Variants in GSTM4 observed in about 807,000 individuals in gnomAD.
GSTM4 encodes GST class-mu 4.
A neutral mutation model predicts 30.1 loss-of-function variants in GSTM4; 27 were observed. The observed-to-expected ratio is 0.90, with a 90% CI of 0.66 to 1.24. GSTM4 has a LOEUF of 1.24. Ranked by LOEUF, GSTM4 falls within the 50% of genes most tolerant of loss-of-function variation. The pLI is 0.00. For missense variants in GSTM4, 238 were observed against 272.1 expected, an observed-to-expected ratio of 0.87 and a Z score of 0.88; for synonymous variants, 94 against 96.2, an observed-to-expected ratio of 0.98 and a Z score of 0.13.
At chr1:109,666,646 T>C (rs1342296185), downstream of GSTM4, among the ~76,000 whole-genome samples, 2 of 152,222 alleles carry the variant, frequency 1.3e-5, no homozygotes, top group African/African-American at 4.8e-5. Context: ...TCCAGGGAAG[T>C]GGGTCCTTTG....
rs1481676331 is a variant in GSTM4 at position 109,656,798 on chromosome 1, C to T, written c.112+11C>T. The T allele has an allele frequency of 6.2e-7, 1 of 1,612,094 alleles. No homozygotes were observed. The highest frequency in any genetic ancestry group is 1.3e-5 in the African/African-American group (1 of 74,886). On this transcript the variant is annotated intron_variant, in intron 2 of 7. Transcript: ENST00000369836. ...ATACGATGGGGGACGGTAATGACACCCTTGTGTCCGGGCTCTGCCCACTCA... is the reference window on the plus strand; with the variant it reads ...ATACGATGGGGGACGGTAATGACACTCTTGTGTCCGGGCTCTGCCCACTCA...
chr1:109,666,969 G>A (rs112690835), downstream of GSTM4, among the ~76,000 whole-genome samples: 2,598 of 152,168 alleles, frequency 0.017, 79 homozygotes, highest in African/African-American at 0.055. Flanking sequence ...CACCTCAGCA[G>A]TACTGTCATT....
downstream of GSTM4, among the ~76,000 whole-genome samples, chr1:109,663,559 G>T (rs925728251): frequency 1.3e-5 from 2 of 152,142 alleles, no homozygotes; most frequent in African/African-American, 4.8e-5. Context: ...CAGCTACTCA[G>T]GAGGCTGAGG....
In GSTM4 at chr1:109,659,276, A is replaced by G. The variant is rs1411240085; in HGVS notation, c.567+166A>G. The G allele has an allele frequency of 7.5e-6, 12 of 1,593,594 alleles. No individual in the cohort carries two copies. In the Admixed American group the frequency reaches 2.2e-4, roughly 29 times the overall value. On this transcript the variant is annotated intron_variant, in intron 7 of 7. Coordinates refer to ENST00000369836, the MANE Select transcript of GSTM4 (RefSeq NM_000850.5). ...ATTATACCTATCGTGTGGAATTTGA[A>G]ATTTCCAACATTCCTACAGGGTGAC...
At chr1:109,663,290 G>A (rs922021453), downstream of GSTM4, among the ~76,000 whole-genome samples, 1 of 152,206 alleles carries the variant, frequency 6.6e-6, no homozygotes, top group Non-Finnish European at 1.5e-5. Context: ...TATCTGGGAG[G>A]TGATTCCAGA....
In GSTM4 at chr1:109,656,254, T is replaced by C; in HGVS notation, c.-136T>C. 1.2e-6 allele frequency: 1 copy of C among 858,382 alleles called. No individual in the cohort carries two copies. The highest frequency in any genetic ancestry group is 2.0e-6 in the Non-Finnish European group (1 of 501,818). 53.2% of individuals were successfully genotyped at this position (858,382 alleles called of 1,614,324 possible). The stretch of plus-strand genomic sequence containing the variant: ...ATCGGCCGGTTGGAAGTGACGACCT[T>C]GAAGATCGGCGGGCGCAGCGGGGCC... On this transcript the variant is annotated 5_prime_UTR_variant, in exon 1 of 8. Transcript: ENST00000369836.
chr1:109,664,841 C>T (rs1171098609), downstream of GSTM4, among the ~76,000 whole-genome samples: 1 of 152,144 alleles, frequency 6.6e-6, no homozygotes, highest in East Asian at 1.9e-4. Flanking sequence ...GCCAATGAAT[C>T]ACAGTCTATG....
downstream of GSTM4, among the ~76,000 whole-genome samples, chr1:109,662,319 GA>G (rs1173393035): frequency 1.3e-5 from 2 of 152,188 alleles, no homozygotes; most frequent in Non-Finnish European, 2.9e-5. Context: ...AGAGGTGGTG[GA>G]ATTCCCATCA....
chr1:109,658,957 A>G (rs1252578715), intron 6 of GSTM4, 43 bp from the exon 7 acceptor site: 4 of 1,612,696 alleles, frequency 2.5e-6, no homozygotes, highest in Middle Eastern at 1.6e-4. Flanking sequence ...CATACATCCT[A>G]CGTTACAGAG....
At chr1:109,660,832 C>A in intron 7 of GSTM4, 1 of 314,108 alleles carries the variant, frequency 3.2e-6, no homozygotes, top group Non-Finnish European at 6.0e-6. Context: ...CTGTTTCCCA[C>A]ATGAGAAATG....
downstream of GSTM4, chr1:109,661,764 G>A (rs1652333862): frequency 1.0e-6 from 1 of 985,200 alleles, no homozygotes; most frequent in Non-Finnish European, 1.2e-6. Context: ...TGCCTCTTCT[G>A]AGGGACTGGC....
In GSTM4 at chr1:109,656,538, G is replaced by A. The variant is rs1042690502; in HGVS notation, c.36+113G>A. 10 of 1,132,040 alleles carry A rather than the reference G, an allele frequency of 8.8e-6. No homozygotes were observed. In the African/African-American group the frequency reaches 1.4e-4, roughly 16 times the overall value. The allele number at this position is 1,132,040 out of a possible 1,614,324, so 70.1% of individuals were successfully genotyped here. A position where few individuals can be genotyped will look rare whatever the true frequency, so the allele number is the denominator to read the frequency against. ...CCTTAGGGCTATCTCTCACAGGAGGGCCTGTGCATGCCTGTGTGTGTGTGT... is the reference window on the plus strand; with the variant it reads ...CCTTAGGGCTATCTCTCACAGGAGGACCTGTGCATGCCTGTGTGTGTGTGT... On this transcript the variant is annotated intron_variant, in intron 1 of 7. Transcript: ENST00000369836.
chr1:109,657,264 C>T lies in GSTM4; in HGVS notation c.162C>T (p.Gly54=), dbSNP rs765127128. ...SQWLNEKFKL[G]LDFPNLPYLI... Reference sequence around the variant, plus strand: ...GGCTGAATGAAAAATTCAAGCTGGGCCTGGACTTTCCCAATGTAGGTGCAG... The same window carrying T: ...GGCTGAATGAAAAATTCAAGCTGGGTCTGGACTTTCCCAATGTAGGTGCAG... Residue 54 remains glycine (G), a synonymous_variant, in exon 3 of 8, where the codon GGC becomes GGT. Transcript: ENST00000369836. 1 of 1,612,474 alleles carries T rather than the reference C, an allele frequency of 6.2e-7. No individual in the cohort carries two copies. Among genetic ancestry groups the T allele is most frequent in the South Asian group, 1.1e-5 (1 of 91,018 alleles).
At chr1:109,663,068 A>G (rs535886890), downstream of GSTM4, among the ~76,000 whole-genome samples, 2 of 152,360 alleles carry the variant, frequency 1.3e-5, no homozygotes, top group Admixed American at 6.5e-5. Flanking sequence ...ACATGCTAAC[A>G]CTATGTGCAA....
intron 5 of GSTM4, 75 bp downstream of exon 5, chr1:109,657,947 C>T (rs1471022957): frequency 4.1e-6 from 5 of 1,213,156 alleles, no homozygotes; most frequent in South Asian, 2.5e-5. Context: ...ACAATTTGAA[C>T]TCCTCACTGC....
chr1:109,661,216 CCT>C lies in GSTM4; in HGVS notation c.622_623del (p.Leu208ValfsTer14), dbSNP rs1652298328. The C allele has an allele frequency of 1.2e-6, 2 of 1,611,130 alleles. No individual in the cohort carries two copies. The highest frequency in any genetic ancestry group is 1.7e-6 in the Non-Finnish European group (2 of 1,179,558). On this transcript the variant is annotated frameshift_variant, in exon 8 of 8. Coordinates refer to ENST00000369836, the MANE Select transcript of GSTM4 (RefSeq NM_000850.5). LOFTEE classifies it high-confidence loss of function. Reference protein sequence around the residue: ...YMKSSRFLPKPLYTRVAVWGN... With the variant: ...YMKSSRFLPKXLYTRVAVWGN... ...GAAGTCCAGCCGCTTCCTCCCAAAA[CCT>C]CTGTACACAAGGGTGGCTGTCTGGG...
downstream of GSTM4, among the ~76,000 whole-genome samples, chr1:109,664,053 A>G (rs78856997): frequency 0.017 from 2,602 of 152,286 alleles, 79 homozygotes; most frequent in African/African-American, 0.055. Context: ...TTTACCTAAG[A>G]ATCTGTACAT....
chr1:109,658,432 C>T lies in GSTM4; in HGVS notation c.361-382C>T, dbSNP rs1458670822. 1.2e-5 allele frequency: 3 copies of T among 251,358 alleles called. No individual in the cohort carries two copies. In the East Asian group the frequency reaches 2.8e-4, roughly 23 times the overall value. The allele number at this position is 251,358 out of a possible 1,614,324, so 15.6% of individuals were successfully genotyped here. A position where few individuals can be genotyped will look rare whatever the true frequency, so the allele number is the denominator to read the frequency against. ...ACTCAATGTCCATTGTATTATTCTG[C>T]CACTGCACTAGGAGGAACTTTCAAC... On this transcript the variant is annotated intron_variant, in intron 5 of 7. Coordinates refer to ENST00000369836, the MANE Select transcript of GSTM4 (RefSeq NM_000850.5).
chr1:109,658,639 C>A (rs1190280541), intron 5 of GSTM4, 175 bp from the exon 6 acceptor site: 1 of 629,320 alleles, frequency 1.6e-6, no homozygotes, highest in African/African-American at 1.8e-5. Context: ...ACAAAAGCCT[C>A]CAGCTACCCA....
Sources: gnomAD v4.1 joint callset for allele counts (sites outside exome capture counted in the v4.1 genomes callset) on GRCh38, gnomAD v4.1.1 for gene constraint, MANE v1.5 for transcripts, NCBI Gene and HGNC (gene_info 2026-07-23, HGNC 2026-07-21) for gene names.